PARD3B: variants seen among roughly 807,000 people sequenced by gnomAD.
PARD3B encodes the protein partitioning defective 3 homolog B.
In PARD3B, 103 loss-of-function variants were observed where a neutral mutation model predicts 130.2. That is an observed-to-expected ratio of 0.79 (90% CI 0.67 to 0.93). The LOEUF (loss-of-function observed/expected upper bound fraction) is 0.93, where lower values mean the gene tolerates loss of function less well. Among genes scored for constraint, PARD3B ranks in the 40% least tolerant of loss-of-function variants. The probability of loss-of-function intolerance (pLI) is 0.00; values close to 1 mark genes in which losing one functional copy is unlikely to be tolerated. For missense variants in PARD3B, 1,609 were observed against 1,499.2 expected (o/e 1.07, Z -1.21); for synonymous variants, 583 against 553.2 (o/e 1.05, Z -0.76).
chr2:204,728,574 T>C (rs1407424996), intron 2 of PARD3B, among the ~76,000 whole-genome samples: 1 of 151,592 alleles, frequency 6.6e-6, no homozygotes, highest in Non-Finnish European at 1.5e-5. Context: ...GATACCTATT[T>C]GTGTAATACT....
intron 1 of PARD3B, among the ~76,000 whole-genome samples, chr2:204,562,736 T>A (rs1318079151): frequency 6.6e-6 from 1 of 152,110 alleles, no homozygotes; most frequent in East Asian, 1.9e-4. Flanking sequence ...TTATAGAGAT[T>A]CAGTGGGCTT....
At chr2:205,529,175 TG>T (rs529029600) in intron 21 of PARD3B, among the ~76,000 whole-genome samples, 2 of 152,210 alleles carry the variant, frequency 1.3e-5, no homozygotes, top group Non-Finnish European at 2.9e-5. Context: ...TGGCATGGAC[TG>T]GGGATCTGCT....
chr2:204,797,218 C>T (rs1487545877), intron 2 of PARD3B, among the ~76,000 whole-genome samples: 1 of 149,494 alleles, frequency 6.7e-6, no homozygotes, highest in African/African-American at 2.5e-5. Context: ...GAATTGTAAG[C>T]TTTCATAGAA....
intron 13 of PARD3B, among the ~76,000 whole-genome samples, chr2:205,179,130 TA>T (rs2035646868): frequency 6.6e-6 from 1 of 152,090 alleles, no homozygotes; most frequent in Admixed American, 6.6e-5. Context: ...CAAAAAAGTT[TA>T]AAAGGTTAAA....
chr2:204,893,362 C>T (rs561171614), intron 2 of PARD3B, among the ~76,000 whole-genome samples: 43 of 151,950 alleles, frequency 2.8e-4, no homozygotes, highest in African/African-American at 8.0e-4. Context: ...TAAAGTTTAA[C>T]AAAGAAATGA....
intron 2 of PARD3B, among the ~76,000 whole-genome samples, chr2:204,716,660 T>TCGCC (rs961046972): frequency 6.7e-6 from 1 of 148,260 alleles, no homozygotes; most frequent in African/African-American, 2.5e-5. Context: ...TCTTGCTCTG[T>TCGCC]CGCCCAGGCT....
chr2:205,538,499 A>G (rs1430624191), intron 21 of PARD3B, among the ~76,000 whole-genome samples: 1 of 149,200 alleles, frequency 6.7e-6, no homozygotes, highest in Non-Finnish European at 1.5e-5. Flanking sequence ...ACACATGCAT[A>G]TCATCCTTCT....
intron 22 of PARD3B, 74 bp from the exon 23 acceptor site, chr2:205,615,382 G>A: frequency 7.6e-7 from 1 of 1,310,320 alleles, no homozygotes; most frequent in Middle Eastern, 2.6e-4. Flanking sequence ...CTGCACAGGA[G>A]GCTGAGGAAC....
chr2:205,231,428 G>T (rs1415928323), intron 15 of PARD3B, among the ~76,000 whole-genome samples: 1 of 151,424 alleles, frequency 6.6e-6, no homozygotes, highest in Non-Finnish European at 1.5e-5. Context: ...CTGGGCTCAA[G>T]CAGTCCTCCC....
intron 15 of PARD3B, among the ~76,000 whole-genome samples, chr2:205,222,931 T>G (rs980882108): frequency 6.6e-6 from 1 of 151,640 alleles, no homozygotes; most frequent in Non-Finnish European, 1.5e-5. Flanking sequence ...TTTGTAAAGA[T>G]GAGTAAAATG....
At chr2:205,526,517 C>G (rs370334945) in intron 21 of PARD3B, among the ~76,000 whole-genome samples, 1 of 152,172 alleles carries the variant, frequency 6.6e-6, no homozygotes, top group East Asian at 1.9e-4. Context: ...AAGCACAACT[C>G]TAACTTGATA....
chr2:204,696,127 G>A (rs535206421), intron 2 of PARD3B, among the ~76,000 whole-genome samples: 2 of 151,996 alleles, frequency 1.3e-5, no homozygotes, highest in East Asian at 3.9e-4. Flanking sequence ...TGGGAGGTGG[G>A]TGCTTTGAAA....
rs1350456479 is a variant in PARD3B at position 205,328,775 on chromosome 2, T to C, written c.2630+27074T>C. Among the ~76,000 whole-genome samples, 37 of 152,222 alleles carry C rather than the reference T, an allele frequency of 2.4e-4. 2 individuals carry two copies. Among genetic ancestry groups the C allele is most frequent in the Admixed American group, 2.4e-3 (37 of 15,280 alleles). On this transcript the variant is annotated intron_variant, in intron 18 of 22. Coordinates refer to ENST00000406610, the MANE Select transcript of PARD3B (RefSeq NM_001302769.2). ...TTCACACAAACCATCTCTTTCCTTA[T>C]AATTAAAAGTTGTATAATATTGTTC...
intron 22 of PARD3B, among the ~76,000 whole-genome samples, chr2:205,603,732 C>T (rs901883339): frequency 6.6e-6 from 1 of 152,090 alleles, no homozygotes; most frequent in Admixed American, 6.5e-5. Context: ...TTATTTTGAG[C>T]CTGTGTGTGT....
chr2:205,159,862 CTGT>C (rs1392671141), intron 11 of PARD3B, among the ~76,000 whole-genome samples: 5 of 152,196 alleles, frequency 3.3e-5, no homozygotes, highest in Admixed American at 6.5e-5. Context: ...CCTCATGCTG[CTGT>C]TAAGACTAAA....
chr2:204,875,494 T>G (rs1350137650), intron 2 of PARD3B, among the ~76,000 whole-genome samples: 3 of 152,088 alleles, frequency 2.0e-5, no homozygotes, highest in African/African-American at 7.2e-5. Flanking sequence ...AGATTCTGAT[T>G]AGGTGGGTCT....
chr2:205,596,678 A>T (rs2054582258), intron 22 of PARD3B, among the ~76,000 whole-genome samples: 1 of 152,190 alleles, frequency 6.6e-6, no homozygotes, highest in African/African-American at 2.4e-5. Context: ...GGTGCTGGGT[A>T]TGGGGGAGAA....
chr2:204,795,256 G>T (rs575891207), intron 2 of PARD3B, among the ~76,000 whole-genome samples: 16 of 152,176 alleles, frequency 1.1e-4, no homozygotes, highest in South Asian at 1.0e-3. Flanking sequence ...TCAATTTTTG[G>T]GCAAACAGAT....
chr2:205,489,193 A>G lies in PARD3B; in HGVS notation c.3045-10703A>G, dbSNP rs572164974. Among the ~76,000 whole-genome samples the G allele has an allele frequency of 5.3e-5, 8 of 151,938 alleles. No individual in the cohort carries two copies. The East Asian group carries it at 1.5e-3, about 29-fold the overall frequency. On this transcript the variant is annotated intron_variant, in intron 20 of 22. Transcript: ENST00000406610. The stretch of plus-strand genomic sequence containing the variant: ...TTGATAAGTTTCTTCTGTGACACCC[A>G]CATACTGTATGTTGTTAATAAAATT...
Sources: gnomAD v4.1 joint callset for allele counts (sites outside exome capture counted in the v4.1 genomes callset) on GRCh38, gnomAD v4.1.1 for gene constraint, MANE v1.5 for transcripts, NCBI Gene and HGNC (gene_info 2026-07-23, HGNC 2026-07-21) for gene names.